The following CEP152 variants were observed in gnomAD, a reference collection of about 807,000 sequenced individuals.
CEP152 encodes the protein centrosomal protein 152, also known as centrosomal protein of 152 kDa.
Under a neutral mutation model 188.9 loss-of-function variants are expected in CEP152, and 132 were observed. The observed-to-expected ratio is 0.70, with a 90% CI of 0.61 to 0.81. The LOEUF is 0.81. CEP152 is among the 30% of genes least tolerant of loss of function. CEP152 has a pLI of 0.00. For synonymous variants in CEP152, 649 were observed against 666.6 expected, an observed-to-expected ratio of 0.97 and a Z score of 0.41; for missense variants, 1,914 against 1,969.8, an observed-to-expected ratio of 0.97 and a Z score of 0.54.
At position 48,756,166 on chromosome 15, in the gene CEP152, T is replaced by A. The variant is rs1894243744; in HGVS notation, c.3082A>T (p.Thr1028Ser). 3.1e-6 allele frequency: 5 copies of A among 1,614,136 alleles called. No individual in the cohort carries two copies. The highest frequency in any genetic ancestry group is 4.2e-6 in the Non-Finnish European group (5 of 1,180,000). ...TGGATCCGCTTGGCTTCCTGCATAG[T>A]CCATTCTCTACGACTCTGGTCTAGA... ...TCLDQSRREW[T>S]MQEAKRIQLE... The change falls in exon 20 of 27, where the codon ACT becomes TCT. Residue 1028 changes from threonine to serine, a missense_variant. Coordinates refer to ENST00000380950, the MANE Select transcript of CEP152 (RefSeq NM_001194998.2).
chr15:48,752,286 A>G, intron 21 of CEP152, 63 bp downstream of exon 21: 1 of 1,613,582 alleles, frequency 6.2e-7, no homozygotes. Context: ...TTATCCTCAA[A>G]GCAACCCTTC....
intron 5 of CEP152, among the ~76,000 whole-genome samples, chr15:48,796,810 A>G (rs368989759): frequency 2.0e-5 from 3 of 152,198 alleles, no homozygotes; most frequent in African/African-American, 7.2e-5. Context: ...TTTTTCCTTC[A>G]CATTCATCCT....
rs1185164390 is a variant in CEP152, at chr15:48,784,135, A to G, written c.1174-15T>C. The G allele has an allele frequency of 7.5e-6, 12 of 1,608,670 alleles. No individual in the cohort carries two copies. Among genetic ancestry groups the G allele is most frequent in the Non-Finnish European group, 1.0e-5 (12 of 1,176,720 alleles). ...CAAATGTCTTCCTAAATAGAAAAAA[A>G]GTTCAGGAAGTCATTTTCATAAAGA... On this transcript the variant is annotated splice_polypyrimidine_tract_variant and intron_variant, in intron 9 of 26. Coordinates refer to ENST00000380950, the MANE Select transcript of CEP152 (RefSeq NM_001194998.2).
At position 48,739,091 on chromosome 15, in the gene CEP152, T is replaced by C; in HGVS notation, c.4291A>G (p.Ile1431Val). 6.2e-7 allele frequency: 1 copy of C among 1,614,216 alleles called. No individual in the cohort carries two copies. The highest frequency in any genetic ancestry group is 1.6e-4 in the Middle Eastern group (1 of 6,062). Reference sequence around the variant, plus strand: ...GTCTCTTTGGATCCCACATGCTTTATGCTCTGATGCTCTGAGTTCTCTAAC... The same window carrying C: ...GTCTCTTTGGATCCCACATGCTTTACGCTCTGATGCTCTGAGTTCTCTAAC... ...RLLENSEHQS[I>V]KHVGSKETHL... is the part of the protein sequence containing the mutation. The change falls in exon 27 of 27, where the codon ATA (isoleucine) becomes GTA (valine). Residue 1431 changes from isoleucine (I) to valine (V), a missense_variant. By Grantham distance (29) the Ile-to-Val change is conservative. Transcript: ENST00000380950.
chr15:48,737,611 T>C (rs1313606157), downstream of CEP152, among the ~76,000 whole-genome samples: 1 of 152,216 alleles, frequency 6.6e-6, no homozygotes, highest in East Asian at 1.9e-4. Flanking sequence ...TTTTTGGATG[T>C]CACAGATGAT....
intron 1 of CEP152, among the ~76,000 whole-genome samples, chr15:48,808,025 T>C (rs1412945470): frequency 6.6e-6 from 1 of 152,068 alleles, no homozygotes; most frequent in Non-Finnish European, 1.5e-5. Flanking sequence ...CTGAAGAAGG[T>C]ATAAGTTTTC....
Position 48,738,160 on chromosome 15 carries a change from A to C in CEP152, c.*89T>G. The C allele has an allele frequency of 3.8e-6, 5 of 1,316,064 alleles. No homozygotes were observed. Among genetic ancestry groups the C allele is most frequent in the Non-Finnish European group, 5.1e-6 (5 of 971,364 alleles). The allele number at this position is 1,316,064 out of a possible 1,614,324, so 81.5% of individuals were successfully genotyped here. Reference sequence around the variant, plus strand: ...AGATGTTATTAAAACATCTCAAAAGAGGCAGGGCTCACAATTTTTTTCAGT... The same window carrying C: ...AGATGTTATTAAAACATCTCAAAAGCGGCAGGGCTCACAATTTTTTTCAGT... On this transcript the variant is annotated 3_prime_UTR_variant, in exon 27 of 27. Transcript: ENST00000380950.
intron 8 of CEP152, 142 bp from the exon 9 acceptor site, chr15:48,789,143 A>C (rs1490746784): frequency 2.5e-5 from 19 of 771,118 alleles, no homozygotes; most frequent in Non-Finnish European, 4.1e-5. Context: ...TCCGCTCATC[A>C]TGGCTCAAGC....
At chr15:48,750,673 T>C (rs1893803313) in intron 21 of CEP152, among the ~76,000 whole-genome samples, 1 of 152,174 alleles carries the variant, frequency 6.6e-6, no homozygotes, top group Non-Finnish European at 1.5e-5. Context: ...ATGAATGAAC[T>C]AGAGCTATTG....
At chr15:48,742,237 G>T in intron 24 of CEP152, 137 bp from the exon 25 acceptor site, 4 of 814,134 alleles carry the variant, frequency 4.9e-6, no homozygotes, top group South Asian at 1.4e-5. Context: ...ACTTTCCACA[G>T]TCATTAAAAT....
chr15:48,770,188 G>A lies in CEP152; in HGVS notation c.1783-1107C>T, dbSNP rs185204318. ...TTCACTTGTTGTGTACCTGGACTCT[G>A]AGCTCTTTGCCACAACACAGTGGCT... On this transcript the variant is annotated intron_variant, in intron 13 of 26. Transcript: ENST00000380950. Among the ~76,000 whole-genome samples, 6 of 152,226 alleles carry A rather than the reference G, an allele frequency of 3.9e-5. No homozygotes were observed. In the East Asian group the frequency reaches 1.2e-3, roughly 29 times the overall value.
chr15:48,757,887 C>T (rs1894391901), intron 19 of CEP152, among the ~76,000 whole-genome samples: 2 of 152,156 alleles, frequency 1.3e-5, no homozygotes, highest in Admixed American at 1.3e-4. Context: ...GGAAGTCATT[C>T]CCAGGTGACT....
In CEP152 at chr15:48,791,213, CCATA is replaced by C; in HGVS notation, c.972+20_972+23del. Reference sequence around the variant, plus strand: ...AATAACTAAACTTTTAATTTTTTTACCATACATAAGTTAAAATAGGTACCTGTTC... The same window carrying C: ...AATAACTAAACTTTTAATTTTTTTACCATAAGTTAAAATAGGTACCTGTTC... On this transcript the variant is annotated intron_variant, in intron 8 of 26. Coordinates refer to ENST00000380950, the MANE Select transcript of CEP152 (RefSeq NM_001194998.2). The C allele has an allele frequency of 6.3e-7, 1 of 1,593,016 alleles. No individual in the cohort carries two copies. The highest frequency in any genetic ancestry group is 1.7e-4 in the Middle Eastern group (1 of 5,978).
In CEP152 at chr15:48,738,043, A is replaced by G. The variant is rs1389793151; in HGVS notation, c.*206T>C. 1.7e-6 allele frequency: 1 copy of G among 574,184 alleles called. No homozygotes were observed. The highest frequency in any genetic ancestry group is 2.9e-6 in the Non-Finnish European group (1 of 341,134). 35.6% of individuals were successfully genotyped at this position (574,184 alleles called of 1,614,324 possible). A position where few individuals can be genotyped will look rare whatever the true frequency, so the allele number is the denominator to read the frequency against. ...GAAACCAAAAATAAGCACCACACAAAAGCAGATTATACATACACCATCAGG... is the reference window on the plus strand; with the variant it reads ...GAAACCAAAAATAAGCACCACACAAGAGCAGATTATACATACACCATCAGG... On this transcript the variant is annotated 3_prime_UTR_variant, in exon 27 of 27. Transcript: ENST00000380950.
Position 48,741,962 on chromosome 15 carries a change from T to A in CEP152, c.3974A>T (p.Asp1325Val), listed in dbSNP as rs780508317. The A allele has an allele frequency of 3.7e-6, 6 of 1,614,098 alleles. No homozygotes were observed. Among genetic ancestry groups the A allele is most frequent in the Admixed American group, 1.7e-5 (1 of 60,006 alleles). ...CTGAACTCACCCTTCTTTTCCATCA[T>A]CCTGCAAAATCTGTTGGAGGCAAAT... is the stretch of plus-strand genomic sequence containing the variant. ...YLICLQQILQ[D>V]DGKEGAEKKI... Residue 1325 changes from aspartate to valine, a missense_variant, in exon 25 of 27, where the codon GAT becomes GTT. By Grantham distance (152) the Asp-to-Val change is radical (BLOSUM62 -3). Coordinates refer to ENST00000380950, the MANE Select transcript of CEP152 (RefSeq NM_001194998.2).
At chr15:48,732,252 T>C (rs1024634802) in intron 2 of CEP152, among the ~76,000 whole-genome samples, 1 of 152,216 alleles carries the variant, frequency 6.6e-6, no homozygotes, top group Non-Finnish European at 1.5e-5. Flanking sequence ...CCTGCAGCAC[T>C]ATTTACAATA....
intron 12 of CEP152, among the ~76,000 whole-genome samples, chr15:48,779,563 T>C (rs2140829291): frequency 6.6e-6 from 1 of 152,350 alleles, no homozygotes; most frequent in African/African-American, 2.4e-5. Context: ...ACATAAGGCC[T>C]TTTATATTCA....
At chr15:48,762,070 T>C (rs1345985840) in intron 18 of CEP152, among the ~76,000 whole-genome samples, 1 of 152,232 alleles carries the variant, frequency 6.6e-6, no homozygotes, top group Non-Finnish European at 1.5e-5. Flanking sequence ...AAATTAGATA[T>C]GAAAGATTAA....
downstream of CEP152, among the ~76,000 whole-genome samples, chr15:48,737,555 G>A (rs182357186): frequency 3.3e-5 from 5 of 152,124 alleles, no homozygotes; most frequent in East Asian, 1.9e-4. Flanking sequence ...TCAAAAGGTC[G>A]TATTTCAGAT....
Sources: gnomAD v4.1 joint callset for allele counts (sites outside exome capture counted in the v4.1 genomes callset) on GRCh38, gnomAD v4.1.1 for gene constraint, MANE v1.5 for transcripts, NCBI Gene and HGNC (gene_info 2026-07-23, HGNC 2026-07-21) for gene names.